SACM1L: variants seen among roughly 807,000 people sequenced by gnomAD.
The protein encoded by SACM1L is SAC1 like phosphatidylinositide phosphatase.
A neutral mutation model predicts 89.5 loss-of-function variants in SACM1L; 32 were observed. That is an observed-to-expected ratio of 0.36 (90% confidence interval 0.27 to 0.48). The LOEUF (loss-of-function observed/expected upper bound fraction) is 0.48, where lower values mean the gene tolerates loss of function less well. Among genes scored for constraint, SACM1L ranks in the 20% least tolerant of loss-of-function variants. SACM1L has a pLI of 0.99. For missense variants in SACM1L, 543 were observed against 708.5 expected (o/e 0.77, Z 2.65); for synonymous variants, 213 against 232.8 (o/e 0.92, Z 0.77).
chr3:45,706,763 T>C lies in SACM1L; in HGVS notation c.206-17T>C. 6.3e-7 allele frequency: 1 copy of C among 1,582,496 alleles called. No individual in the cohort carries two copies. The highest frequency in any genetic ancestry group is 8.6e-7 in the Non-Finnish European group (1 of 1,161,240). ...TACTATTTTTATAATTATGTGTGTTTGGCTTGCTTTTTGCAGGTAATTATC... is the reference window on the plus strand; with the variant it reads ...TACTATTTTTATAATTATGTGTGTTCGGCTTGCTTTTTGCAGGTAATTATC... On this transcript the variant is annotated splice_polypyrimidine_tract_variant and intron_variant, in intron 3 of 19. Transcript: ENST00000389061.
In SACM1L at chr3:45,738,563, A is replaced by G. The variant is rs1575412914; in HGVS notation, c.1383-15A>G. On this transcript the variant is annotated splice_polypyrimidine_tract_variant and intron_variant, in intron 16 of 19. Transcript: ENST00000389061. ...TGTACAAACCTGTAACTTAAAATTT[A>G]ACCTCTTTAACCAGAACTGGAAAGA... 6.5e-7 allele frequency: 1 copy of G among 1,526,796 alleles called. No individual in the cohort carries two copies. The highest frequency in any genetic ancestry group is 2.3e-5 in the East Asian group (1 of 44,372). 94.6% of individuals were successfully genotyped at this position (1,526,796 alleles called of 1,614,324 possible).
intron 14 of SACM1L, among the ~76,000 whole-genome samples, chr3:45,735,903 G>T (rs1699187905): frequency 6.6e-6 from 1 of 151,856 alleles, no homozygotes; most frequent in African/African-American, 2.4e-5. Flanking sequence ...GTCTGGCTCT[G>T]TTGCCCAGGC....
chr3:45,691,815 A>G (rs145396440), intron 1 of SACM1L, among the ~76,000 whole-genome samples: 3 of 152,242 alleles, frequency 2.0e-5, no homozygotes, highest in Non-Finnish European at 4.4e-5. Context: ...TGTCTGCATT[A>G]TGCCATGCTT....
chr3:45,715,834 G>GTGTCTTT (rs1169056203), intron 7 of SACM1L, among the ~76,000 whole-genome samples: 9 of 151,574 alleles, frequency 5.9e-5, no homozygotes, highest in African/African-American at 1.9e-4. Context: ...GCCAACTATG[G>GTGTCTTT]TGTTTTTTGT....
At chr3:45,706,721 A>G in intron 3 of SACM1L, 59 bp from the exon 4 acceptor site, 24 of 1,429,842 alleles carry the variant, frequency 1.7e-5, no homozygotes, top group Non-Finnish European at 2.3e-5. Flanking sequence ...AAGGACTCCT[A>G]TTTCTACCTT....
At position 45,743,720 on chromosome 3, in the gene SACM1L, C is replaced by T. The variant is rs1255148267; in HGVS notation, c.*51C>T. The T allele has an allele frequency of 1.3e-6, 2 of 1,573,454 alleles. No homozygotes were observed. ...GCTTGGAAGATTCCATTGTGCAGAACTGGAGTCTTTACTGACCCGCTTTCC... is the reference window on the plus strand; with the variant it reads ...GCTTGGAAGATTCCATTGTGCAGAATTGGAGTCTTTACTGACCCGCTTTCC... On this transcript the variant is annotated 3_prime_UTR_variant, in exon 20 of 20. Transcript: ENST00000389061.
intron 4 of SACM1L, among the ~76,000 whole-genome samples, chr3:45,708,708 C>T (rs73058468): frequency 0.092 from 14,050 of 151,998 alleles, 815 homozygotes; most frequent in Non-Finnish European, 0.14. Context: ...GATTGTTATT[C>T]TTTGTTGTCA....
At chr3:45,706,464 G>A (rs1698396968) in intron 3 of SACM1L, among the ~76,000 whole-genome samples, 1 of 152,192 alleles carries the variant, frequency 6.6e-6, no homozygotes, top group Non-Finnish European at 1.5e-5. Flanking sequence ...TGTATCCCTT[G>A]GGGGTGATGA....
chr3:45,730,349 ATTT>A lies in SACM1L; in HGVS notation c.922-940_922-938del, dbSNP rs34477868. ...TGATTGTTAAAGACTCTGCTAATCC[ATTT>A]TTTTTTTTTTTGAGACTTTTCCAAA... On this transcript the variant is annotated intron_variant, in intron 11 of 19. Coordinates refer to ENST00000389061, the MANE Select transcript of SACM1L (RefSeq NM_014016.5). Among the ~76,000 whole-genome samples, 163 of 143,970 alleles carry A rather than the reference ATTT, an allele frequency of 1.1e-3. 1 individual carries two copies. Among genetic ancestry groups the A allele is most frequent in the South Asian group, 2.9e-3 (13 of 4,520 alleles). The allele number at this position is 143,970 out of a possible 152,430, so 94.4% of individuals were successfully genotyped here.
At position 45,723,515 on chromosome 3, in the gene SACM1L, T is replaced by C. The variant is rs1348122548; in HGVS notation, c.893T>C (p.Ile298Thr). 7 of 1,511,818 alleles carry C rather than the reference T, an allele frequency of 4.6e-6. No individual in the cohort carries two copies. The highest frequency in any genetic ancestry group is 6.2e-6 in the Non-Finnish European group (7 of 1,121,778). The allele number at this position is 1,511,818 out of a possible 1,614,324, so 93.7% of individuals were successfully genotyped here. ...AGGCATTTTGATTCCCAAGTAATTA[T>C]TTATGGAAAACAAGTTATAATCAAT... ...FQRHFDSQVIIYGKQVIINLI... is the reference protein window; with the variant it reads ...FQRHFDSQVITYGKQVIINLI... Residue 298 changes from isoleucine (I) to threonine (T), a missense_variant, in exon 11 of 20, where the codon ATT becomes ACT. Transcript: ENST00000389061.
At position 45,739,574 on chromosome 3, in the gene SACM1L, T is replaced by C. The variant is rs887548048; in HGVS notation, c.1570-13T>C. On this transcript the variant is annotated splice_polypyrimidine_tract_variant and intron_variant, in intron 18 of 19. Transcript: ENST00000389061. ...ATTCTTAAATGATGATCTCTTTCTATTGTCTTTTCCAGTTGCCTATTATCA... is the reference window on the plus strand; with the variant it reads ...ATTCTTAAATGATGATCTCTTTCTACTGTCTTTTCCAGTTGCCTATTATCA... 18 of 1,613,336 alleles carry C rather than the reference T, an allele frequency of 1.1e-5. No individual in the cohort carries two copies. Among genetic ancestry groups the C allele is most frequent in the Non-Finnish European group, 1.4e-5 (17 of 1,179,368 alleles).
At chr3:45,708,342 G>GAT (rs1553651677) in intron 4 of SACM1L, among the ~76,000 whole-genome samples, 3 of 151,972 alleles carry the variant, frequency 2.0e-5, no homozygotes, top group Non-Finnish European at 4.4e-5. Context: ...ATTGTTTAGA[G>GAT]ATATATATAC....
chr3:45,732,764 A>G (rs1045760339), intron 13 of SACM1L, among the ~76,000 whole-genome samples: 8 of 152,210 alleles, frequency 5.3e-5, no homozygotes, highest in Non-Finnish European at 1.0e-4. Context: ...CAGGTTTACC[A>G]TACTCTATGC....
chr3:45,709,382 C>T lies in SACM1L; in HGVS notation c.334-116C>T, dbSNP rs113452533. On this transcript the variant is annotated intron_variant, in intron 4 of 19. Transcript: ENST00000389061. ...GAGCATCCCCCTCACTGGCTCAGTC[C>T]TTGTGCCAGTAGTCTTTAATGAGAC... 1.3e-3 allele frequency: 1,094 copies of T among 869,338 alleles called. 10 individuals are homozygous for T. In the African/African-American group the frequency reaches 0.016, roughly 13 times the overall value. The allele number at this position is 869,338 out of a possible 1,614,324, so 53.9% of individuals were successfully genotyped here.
intron 11 of SACM1L, among the ~76,000 whole-genome samples, chr3:45,724,812 G>C (rs1011358873): frequency 6.6e-6 from 1 of 152,046 alleles, no homozygotes; most frequent in African/African-American, 2.4e-5. Context: ...TTTGTTTCGT[G>C]TATGTGTGTC....
At chr3:45,719,112 G>C (rs1437258223) in intron 7 of SACM1L, among the ~76,000 whole-genome samples, 4 of 151,960 alleles carry the variant, frequency 2.6e-5, no homozygotes, top group Non-Finnish European at 5.9e-5. Flanking sequence ...CAGTAGCCTA[G>C]CCTTCCCTCC....
intron 19 of SACM1L, 112 bp downstream of exon 19, chr3:45,739,756 G>A (rs1389023302): frequency 1.0e-6 from 1 of 955,048 alleles, no homozygotes. Flanking sequence ...AAATTTAATG[G>A]GTAAAGTGGA....
Position 45,726,869 on chromosome 3 carries a change from CTTTTTTTTTTTTT to C in SACM1L, c.921+3341_921+3353del, listed in dbSNP as rs1158423503. 1.1e-4 allele frequency among the ~76,000 whole-genome samples: 6 copies of C among 52,340 alleles called. 2 individuals are homozygous for C. Among genetic ancestry groups the C allele is most frequent in the Admixed American group, 5.4e-4 (3 of 5,548 alleles). The allele number at this position is 52,340 out of a possible 152,430, so 34.3% of individuals were successfully genotyped here. A position where few individuals can be genotyped will look rare whatever the true frequency, so the allele number is the denominator to read the frequency against. ...CCTCAGCACTGCTTTTGCTTTATTT[CTTTTTTTTTTTTT>C]TTTTTTTTTTTTTTGAGACGGAGTC... On this transcript the variant is annotated intron_variant, in intron 11 of 19. Transcript: ENST00000389061.
intron 6 of SACM1L, 83 bp from the exon 7 acceptor site, chr3:45,713,963 T>C (rs1222062736): frequency 2.9e-6 from 2 of 681,622 alleles, no homozygotes; most frequent in Non-Finnish European, 4.7e-6. Context: ...GTTTGTATAT[T>C]ACCTCCCTAT....
Sources: allele counts gnomAD v4.1 joint callset (sites outside exome capture counted in the v4.1 genomes callset), GRCh38; gene constraint gnomAD v4.1.1; transcripts MANE v1.5; gene names NCBI Gene and HGNC (gene_info 2026-07-23, HGNC 2026-07-21).